Variants in BBX observed in about 807,000 individuals in gnomAD.
BBX encodes HMG box transcription factor BBX.
A neutral mutation model predicts 100.2 loss-of-function variants in BBX; 30 were observed. That is an observed-to-expected ratio of 0.30 (90% CI 0.22 to 0.41). The LOEUF (loss-of-function observed/expected upper bound fraction) is 0.41. BBX is among the 10% of genes least tolerant of loss of function. BBX has a pLI of 1.00. For missense variants in BBX, 1,023 were observed against 1,129.8 expected (o/e 0.91, Z 1.35); for synonymous variants, 376 against 388.1 (o/e 0.97, Z 0.37).
At chr3:107,667,170 G>GA (rs916100843) in intron 3 of BBX, among the ~76,000 whole-genome samples, 1 of 152,042 alleles carries the variant, frequency 6.6e-6, no homozygotes, top group Non-Finnish European at 1.5e-5. Context: ...GCTTATCAGG[G>GA]AAAAAATGGG....
At chr3:107,790,772 C>T (rs577606307) in intron 14 of BBX, among the ~76,000 whole-genome samples, 6 of 152,192 alleles carry the variant, frequency 3.9e-5, no homozygotes, top group Admixed American at 2.6e-4. Flanking sequence ...AGGCTTTAAA[C>T]GCAGCTGTCT....
chr3:107,689,144 A>G (rs768442731), intron 3 of BBX, among the ~76,000 whole-genome samples: 5 of 152,246 alleles, frequency 3.3e-5, no homozygotes, highest in Non-Finnish European at 7.3e-5. Context: ...TAAGCCGTAT[A>G]GTAGTACATA....
chr3:107,726,571 C>T (rs1285262575), intron 5 of BBX, among the ~76,000 whole-genome samples: 1 of 151,966 alleles, frequency 6.6e-6, no homozygotes, highest in Admixed American at 6.6e-5. Context: ...ATAGTAAATT[C>T]TGTTATTGTT....
chr3:107,779,020 TACACACACAC>T (rs66512735), intron 13 of BBX, among the ~76,000 whole-genome samples: 7 of 95,808 alleles, frequency 7.3e-5, no homozygotes, highest in South Asian at 3.3e-4. Context: ...TATATATATA[TACACACACAC>T]ACACACATAT....
At chr3:107,591,136 A>G (rs1270423912) in intron 2 of BBX, among the ~76,000 whole-genome samples, 1 of 152,222 alleles carries the variant, frequency 6.6e-6, no homozygotes, top group East Asian at 1.9e-4. Flanking sequence ...ATAATAGATT[A>G]AGCAGAGAAA....
intron 3 of BBX, among the ~76,000 whole-genome samples, chr3:107,701,022 T>G (rs2061006903): frequency 6.6e-6 from 1 of 151,886 alleles, no homozygotes. Context: ...CCACACTGAC[T>G]TCCACAATGG....
chr3:107,773,158 G>A lies in BBX; in HGVS notation c.1437G>A (p.Ser479=), dbSNP rs375751368. 88 of 1,613,956 alleles carry A rather than the reference G, an allele frequency of 5.5e-5. No homozygotes were observed. The highest frequency in any genetic ancestry group is 3.3e-4 in the Middle Eastern group (2 of 6,084). ...AGACTTGCAAAAAGAGGCAGTCTTC[G>A]GAATCTGACATTGAGAGCGTCATAT... is the stretch of plus-strand genomic sequence containing the variant. ...PKKTCKKRQS[S]ESDIESVIYT... is the part of the protein sequence containing the mutation. Residue 479 remains serine (S), a synonymous_variant, in exon 11 of 18, where the codon TCG becomes TCA. Coordinates refer to ENST00000325805, the MANE Select transcript of BBX (RefSeq NM_001142568.3). The surrounding 1 kb of genome is among the most constrained non-coding windows in gnomAD (Gnocchi z 4.1).
chr3:107,613,532 A>G (rs1301031051), intron 2 of BBX, among the ~76,000 whole-genome samples: 2 of 151,984 alleles, frequency 1.3e-5, no homozygotes, highest in Non-Finnish European at 2.9e-5. Flanking sequence ...TGTACAGTTG[A>G]AAACTGTAAC....
chr3:107,754,983 CAT>C (rs1180133366), intron 9 of BBX, among the ~76,000 whole-genome samples: 1 of 152,166 alleles, frequency 6.6e-6, no homozygotes, highest in Non-Finnish European at 1.5e-5. Flanking sequence ...TAATGTTGTA[CAT>C]ATGTTATGTA....
rs894167922 is a variant in BBX, at chr3:107,773,120, T to C, written c.1399T>C (p.Ser467Pro). 6.2e-7 allele frequency: 1 copy of C among 1,613,844 alleles called. No individual in the cohort carries two copies. Among genetic ancestry groups the C allele is most frequent in the African/African-American group, 1.3e-5 (1 of 74,936 alleles). ...SKMDRHGNDK[S>P]TPKKTCKKRQ... Reference sequence around the variant, plus strand: ...AATGGATCGACATGGAAATGATAAATCCACACCCAAGAAGACTTGCAAAAA... The same window carrying C: ...AATGGATCGACATGGAAATGATAAACCCACACCCAAGAAGACTTGCAAAAA... The change falls in exon 11 of 18, where the codon TCC becomes CCC. Residue 467 changes from serine to proline, a missense_variant. By Grantham distance (74) the Ser-to-Pro change is moderately conservative. Around this residue, in one of 9 missense-constraint regions of BBX, gnomAD observed 348 missense variants for 353.2 expected, o/e 0.99. Coordinates refer to ENST00000325805, the MANE Select transcript of BBX (RefSeq NM_001142568.3). This position sits in a 1 kb window ranked among gnomAD's most constrained non-coding sequence, Gnocchi z 4.1.
Position 107,716,704 on chromosome 3 carries a change from TTC to T in BBX, c.262_263del (p.Leu88PhefsTer18). ...CGAGCCCGGAGACCAATGAATGCATTTCTTTTATTTTGCAAACGCCATCGCTC... is the reference window on the plus strand; with the variant it reads ...CGAGCCCGGAGACCAATGAATGCATTTTTTATTTTGCAAACGCCATCGCTC... On this transcript the variant is annotated frameshift_variant, in exon 5 of 18. Coordinates refer to ENST00000325805, the MANE Select transcript of BBX (RefSeq NM_001142568.3). LOFTEE classifies it high-confidence loss of function. 1 of 1,613,850 alleles carries T rather than the reference TTC, an allele frequency of 6.2e-7. No individual in the cohort carries two copies. Among genetic ancestry groups the T allele is most frequent in the African/African-American group, 1.3e-5 (1 of 75,016 alleles).
At chr3:107,737,758 G>A (rs2063734076) in intron 7 of BBX, among the ~76,000 whole-genome samples, 1 of 151,862 alleles carries the variant, frequency 6.6e-6, no homozygotes, top group South Asian at 2.1e-4. Flanking sequence ...ATTTTCGTTT[G>A]TTCACCATGA....
At chr3:107,639,985 C>T (rs2057092270) in intron 2 of BBX, among the ~76,000 whole-genome samples, 5 of 152,156 alleles carry the variant, frequency 3.3e-5, no homozygotes, top group Admixed American at 3.3e-4. Context: ...TGCTTTTCTA[C>T]CCCTTAGTTT....
chr3:107,703,685 A>G (rs983588040), intron 3 of BBX, among the ~76,000 whole-genome samples: 12 of 152,206 alleles, frequency 7.9e-5, no homozygotes, highest in Admixed American at 5.2e-4. Context: ...ATGACTAGTG[A>G]GTGAATTGCT....
At chr3:107,545,030 T>TAAA (rs1559794884) in intron 2 of BBX, among the ~76,000 whole-genome samples, 2 of 151,312 alleles carry the variant, frequency 1.3e-5, no homozygotes, top group African/African-American at 4.8e-5. Context: ...AAAAAAAAAT[T>TAAA]TTTTAAAAAG....
Position 107,551,909 on chromosome 3 carries a change from G to C in BBX, c.-84+25511G>C, listed in dbSNP as rs1334784138. 2.0e-5 allele frequency among the ~76,000 whole-genome samples: 3 copies of C among 152,144 alleles called. No individual in the cohort carries two copies. The East Asian group carries it at 5.8e-4, about 29-fold the overall frequency. Reference sequence around the variant, plus strand: ...CAGACTATTATCCTTTTTCATGTAAGAGGCTGAAGAAAGCCCTATGTTTAC... The same window carrying C: ...CAGACTATTATCCTTTTTCATGTAACAGGCTGAAGAAAGCCCTATGTTTAC... On this transcript the variant is annotated intron_variant, in intron 2 of 17. Transcript: ENST00000325805.
At chr3:107,574,007 G>A (rs889037714) in intron 2 of BBX, among the ~76,000 whole-genome samples, 2 of 152,196 alleles carry the variant, frequency 1.3e-5, no homozygotes, top group African/African-American at 4.8e-5. Context: ...TTACAGGCGT[G>A]AGCCACCACT....
chr3:107,752,312 T>C (rs538622641), intron 9 of BBX, among the ~76,000 whole-genome samples: 41 of 152,244 alleles, frequency 2.7e-4, no homozygotes, highest in Non-Finnish European at 4.7e-4. Context: ...TTACACTATA[T>C]TACAGTTGAT....
chr3:107,760,858 A>C (rs984541280), intron 10 of BBX, among the ~76,000 whole-genome samples: 1 of 152,186 alleles, frequency 6.6e-6, no homozygotes, highest in African/African-American at 2.4e-5. Context: ...AGTTCAATTC[A>C]TGGCTAATAT....
Sources: gnomAD v4.1 joint callset for allele counts (sites outside exome capture counted in the v4.1 genomes callset) on GRCh38, gnomAD v4.1.1 for gene constraint, gnomAD v4.1.1 regional missense constraint, Gnocchi (gnomAD v3.1) non-coding constraint, MANE v1.5 for transcripts, NCBI Gene and HGNC (gene_info 2026-07-23, HGNC 2026-07-21) for gene names.